The following SPATS2L variants were observed in gnomAD, a reference collection of about 807,000 sequenced individuals.
SPATS2L encodes the protein SPATS2-like protein.
SPATS2L carries 30 observed loss-of-function variants against 59.6 expected under a neutral mutation model. The ratio of observed to expected loss-of-function variants is 0.50; its 90% CI spans 0.38 to 0.68. The LOEUF is 0.68. Among genes scored for constraint, SPATS2L ranks in the 30% least tolerant of loss-of-function variants. SPATS2L has a pLI of 0.00. For synonymous variants in SPATS2L, 252 were observed against 263.5 expected (o/e 0.96, Z 0.42); for missense variants, 615 against 700.0 (o/e 0.88, Z 1.37).
At chr2:200,387,583 A>T (rs1299521721) in intron 2 of SPATS2L, among the ~76,000 whole-genome samples, 1 of 152,224 alleles carries the variant, frequency 6.6e-6, no homozygotes, top group African/African-American at 2.4e-5. Flanking sequence ...AATGGATCTG[A>T]ATTTATGCTT....
At chr2:200,333,958 A>C (rs1455634325) in intron 2 of SPATS2L, among the ~76,000 whole-genome samples, 6 of 152,170 alleles carry the variant, frequency 3.9e-5, no homozygotes. Context: ...TGCCGCAATA[A>C]ACATACATGT....
At chr2:200,469,481 C>T (rs1018358500) in intron 10 of SPATS2L, among the ~76,000 whole-genome samples, 1 of 152,178 alleles carries the variant, frequency 6.6e-6, no homozygotes, top group African/African-American at 2.4e-5. Flanking sequence ...ACACTAAAGG[C>T]TTTGTGGACG....
chr2:200,444,318 C>CA (rs2084892381), intron 8 of SPATS2L, among the ~76,000 whole-genome samples: 1 of 152,098 alleles, frequency 6.6e-6, no homozygotes, highest in Admixed American at 6.5e-5. Flanking sequence ...ACATTAAATT[C>CA]AAAAAAACAT....
In SPATS2L at chr2:200,333,746, T is replaced by C. The variant is rs1280955744; in HGVS notation, c.-23+4266T>C. On this transcript the variant is annotated intron_variant, in intron 2 of 12. Transcript: ENST00000409140. Reference sequence around the variant, plus strand: ...CAATTCCCACCTATGAGTGAGAACATGTAGTGTTTGGTTTTTTGTTCTTGC... The same window carrying C: ...CAATTCCCACCTATGAGTGAGAACACGTAGTGTTTGGTTTTTTGTTCTTGC... 2.0e-5 allele frequency among the ~76,000 whole-genome samples: 3 copies of C among 151,840 alleles called. No homozygotes were observed. The East Asian group carries it at 5.8e-4, about 29-fold the overall frequency.
intron 1 of SPATS2L, 112 bp from the exon 2 acceptor site, chr2:200,329,319 C>T (rs2079857482): frequency 6.8e-6 from 6 of 879,990 alleles, no homozygotes; most frequent in African/African-American, 1.7e-5. Context: ...GGACGAATTC[C>T]CTGTCTTCTT....
chr2:200,439,385 GC>G, intron 7 of SPATS2L, 57 bp downstream of exon 7: 1 of 1,443,886 alleles, frequency 6.9e-7, no homozygotes, highest in Non-Finnish European at 9.7e-7. Flanking sequence ...ACAGAAAAGT[GC>G]CAGAGTGACA....
At chr2:200,437,949 A>G (rs1437167973) in intron 6 of SPATS2L, among the ~76,000 whole-genome samples, 9 of 152,208 alleles carry the variant, frequency 5.9e-5, no homozygotes, top group Non-Finnish European at 7.3e-5. Flanking sequence ...TTCTACAGAA[A>G]GCCATCGAGC....
chr2:200,427,053 A>G (rs1442495545), intron 6 of SPATS2L, among the ~76,000 whole-genome samples: 1 of 152,176 alleles, frequency 6.6e-6, no homozygotes, highest in African/African-American at 2.4e-5. Context: ...CTGTACAGCA[A>G]AAACACAAAA....
chr2:200,348,783 A>G (rs1256238857), intron 2 of SPATS2L, among the ~76,000 whole-genome samples: 1 of 151,932 alleles, frequency 6.6e-6, no homozygotes, highest in East Asian at 1.9e-4. Context: ...GGCCTGTACT[A>G]AGTGTTAGGA....
intron 2 of SPATS2L, among the ~76,000 whole-genome samples, chr2:200,371,836 G>A (rs2081436822): frequency 6.6e-6 from 1 of 152,170 alleles, no homozygotes; most frequent in Non-Finnish European, 1.5e-5. Context: ...GTTGGGTTGA[G>A]TTACAAACCA....
intron 2 of SPATS2L, among the ~76,000 whole-genome samples, chr2:200,354,688 G>A (rs902482982): frequency 2.6e-5 from 4 of 151,988 alleles, no homozygotes; most frequent in African/African-American, 4.8e-5. Flanking sequence ...TCACCATTGC[G>A]AGAGGCTAGC....
chr2:200,335,378 CA>C (rs1400332957), intron 2 of SPATS2L, among the ~76,000 whole-genome samples: 9 of 102,622 alleles, frequency 8.8e-5, no homozygotes, highest in Middle Eastern at 5.7e-3. Context: ...GATTCTGTCT[CA>C]AAAAAAAAAG....
At chr2:200,341,103 T>C (rs2080310407) in intron 2 of SPATS2L, among the ~76,000 whole-genome samples, 1 of 152,258 alleles carries the variant, frequency 6.6e-6, no homozygotes, top group South Asian at 2.1e-4. Flanking sequence ...TTCTTAATTC[T>C]AAAACTGCTT....
chr2:200,381,273 C>T (rs965794317), intron 2 of SPATS2L, among the ~76,000 whole-genome samples: 8 of 147,768 alleles, frequency 5.4e-5, no homozygotes, highest in Admixed American at 5.3e-4. Flanking sequence ...TAGCCTACTA[C>T]TGTACATCAT....
chr2:200,410,458 A>G (rs891925802), intron 3 of SPATS2L, among the ~76,000 whole-genome samples: 2 of 152,160 alleles, frequency 1.3e-5, no homozygotes, highest in African/African-American at 4.8e-5. Flanking sequence ...GGTTGCTCAC[A>G]GGATCAAAAT....
chr2:200,456,389 A>T (rs1039505086), intron 8 of SPATS2L, among the ~76,000 whole-genome samples: 3 of 152,184 alleles, frequency 2.0e-5, no homozygotes, highest in African/African-American at 7.2e-5. Context: ...GCTCTTTCAC[A>T]TCCTCAAGGG....
In SPATS2L at chr2:200,337,516, T is replaced by C. The variant is rs184512661; in HGVS notation, c.-23+8036T>C. ...CATTCCTTGTTACTGAGAAAAAATA[T>C]CTCAAAGGAATTTTCCTTTTCTTTC... On this transcript the variant is annotated intron_variant, in intron 2 of 12. Transcript: ENST00000409140. 3.9e-5 allele frequency among the ~76,000 whole-genome samples: 6 copies of C among 152,234 alleles called. No homozygotes were observed. In the East Asian group the frequency reaches 1.2e-3, roughly 29 times the overall value.
At chr2:200,332,919 A>G (rs2079999122) in intron 2 of SPATS2L, among the ~76,000 whole-genome samples, 1 of 152,062 alleles carries the variant, frequency 6.6e-6, no homozygotes, top group Non-Finnish European at 1.5e-5. Context: ...AGAATACTAT[A>G]CAGCAGTAAA....
intron 1 of SPATS2L, among the ~76,000 whole-genome samples, chr2:200,314,284 C>T (rs540755810): frequency 4.6e-5 from 7 of 152,218 alleles, no homozygotes; most frequent in Non-Finnish European, 7.3e-5. Context: ...CTTCTTCAAC[C>T]TCTACATTTT....
Sources: allele counts gnomAD v4.1 joint callset (sites outside exome capture counted in the v4.1 genomes callset), GRCh38; gene constraint gnomAD v4.1.1; transcripts MANE v1.5; gene names NCBI Gene and HGNC (gene_info 2026-07-23, HGNC 2026-07-21).